CCDC158: variants seen among roughly 807,000 people sequenced by gnomAD.
CCDC158 encodes coiled-coil domain-containing protein 158.
In CCDC158, 116 loss-of-function variants were observed where a neutral mutation model predicts 138.6. The ratio of observed to expected loss-of-function variants is 0.84; its 90% CI spans 0.72 to 0.98. The LOEUF (loss-of-function observed/expected upper bound fraction) is 0.98. CCDC158 is among the 50% of genes least tolerant of loss of function. The pLI is 0.00. For synonymous variants in CCDC158, 436 were observed against 442.4 expected, an observed-to-expected ratio of 0.99 and a Z score of 0.18; for missense variants, 1,265 against 1,306.1, an observed-to-expected ratio of 0.97 and a Z score of 0.48.
At chr4:76,397,554 T>G (rs1343073215) in intron 3 of CCDC158, among the ~76,000 whole-genome samples, 1 of 152,186 alleles carries the variant, frequency 6.6e-6, no homozygotes, top group African/African-American at 2.4e-5. Context: ...CAGCCTTAGT[T>G]ACTTAGTAAG....
intron 18 of CCDC158, among the ~76,000 whole-genome samples, chr4:76,342,564 TAAA>T (rs1300406986): frequency 6.6e-6 from 1 of 152,118 alleles, no homozygotes; most frequent in African/African-American, 2.4e-5. Flanking sequence ...AAAATAAAGA[TAAA>T]TAATAAATGA....
At chr4:76,336,502 T>G (rs974330933) in intron 18 of CCDC158, among the ~76,000 whole-genome samples, 4 of 152,312 alleles carry the variant, frequency 2.6e-5, no homozygotes, top group Non-Finnish European at 1.5e-5. Context: ...TGAAGAATTC[T>G]CTCTACGGCA....
chr4:76,313,300 C>A, intron 24 of CCDC158, 54 bp from the exon 25 acceptor site: 2 of 985,080 alleles, frequency 2.0e-6, no homozygotes, highest in Non-Finnish European at 3.1e-6. Flanking sequence ...GGCTTTAATT[C>A]TACTATGTGC....
intron 18 of CCDC158, among the ~76,000 whole-genome samples, chr4:76,346,618 G>A (rs550457018): frequency 2.0e-5 from 3 of 152,280 alleles, no homozygotes; most frequent in East Asian, 1.9e-4. Context: ...GCTGAGGCAG[G>A]AGAATCACTT....
intron 14 of CCDC158, among the ~76,000 whole-genome samples, chr4:76,355,813 G>GTGTA (rs989803432): frequency 2.0e-5 from 3 of 151,224 alleles, no homozygotes; most frequent in African/African-American, 7.3e-5. Context: ...GTGTGTGTGT[G>GTGTA]TGTGTGTGTG....
Position 76,384,196 on chromosome 4 carries a change from T to C in CCDC158, c.618A>G (p.Glu206=). The C allele has an allele frequency of 5.0e-6, 8 of 1,614,166 alleles. No individual in the cohort carries two copies. Among genetic ancestry groups the C allele is most frequent in the Non-Finnish European group, 5.9e-6 (7 of 1,180,012 alleles). The change falls in exon 6 of 25, where the codon GAA becomes GAG. Residue 206 remains glutamate, a synonymous_variant. Coordinates refer to ENST00000682701, the MANE Select transcript of CCDC158 (RefSeq NM_001394954.1). The stretch of plus-strand genomic sequence containing the variant: ...AGTGCAGAGTAGACATGCTGTCATG[T>C]TCACATATTTTTTTGCCTGAGGCTT... ...FEEASGKKIC[E]HDSMSTLHFR...
intron 18 of CCDC158, among the ~76,000 whole-genome samples, chr4:76,341,923 G>C (rs1157719126): frequency 1.3e-5 from 2 of 152,142 alleles, no homozygotes; most frequent in Admixed American, 1.3e-4. Context: ...AGTTCATATA[G>C]GGTATCTATT....
At chr4:76,349,939 C>T (rs549075115) in intron 18 of CCDC158, among the ~76,000 whole-genome samples, 9 of 152,096 alleles carry the variant, frequency 5.9e-5, no homozygotes, top group Non-Finnish European at 1.2e-4. Flanking sequence ...AACTGACTCG[C>T]CCAAGGTCAC....
At chr4:76,407,950 C>T (rs1403166411) in intron 2 of CCDC158, among the ~76,000 whole-genome samples, 4 of 152,208 alleles carry the variant, frequency 2.6e-5, no homozygotes, top group Non-Finnish European at 4.4e-5. Context: ...TTATTCATAA[C>T]AGGCTGTTGG....
chr4:76,355,451 G>T lies in CCDC158; in HGVS notation c.2174-15C>A. ...CACTTTCATAGCTGGAAAAAAAAAA[G>T]AGGCAAACTATGCCTTAGGTTCTTA... On this transcript the variant is annotated splice_polypyrimidine_tract_variant and intron_variant, in intron 14 of 24. Transcript: ENST00000682701. 3 of 1,505,916 alleles carry T rather than the reference G, an allele frequency of 2.0e-6. No homozygotes were observed. Among genetic ancestry groups the T allele is most frequent in the Non-Finnish European group, 2.8e-6 (3 of 1,084,006 alleles). 93.3% of individuals were successfully genotyped at this position (1,505,916 alleles called of 1,614,324 possible).
At chr4:76,404,088 C>T (rs974096320) in intron 2 of CCDC158, among the ~76,000 whole-genome samples, 1 of 151,806 alleles carries the variant, frequency 6.6e-6, no homozygotes, top group Non-Finnish European at 1.5e-5. Context: ...GAATGAGATA[C>T]AGAGAGAAAA....
chr4:76,353,672 T>C (rs981501165), intron 15 of CCDC158, among the ~76,000 whole-genome samples: 1 of 152,226 alleles, frequency 6.6e-6, no homozygotes, highest in South Asian at 2.1e-4. Context: ...TATGGATTTC[T>C]ATTTTGTTTC....
chr4:76,382,176 T>G (rs1726322484), intron 8 of CCDC158, among the ~76,000 whole-genome samples: 2 of 151,714 alleles, frequency 1.3e-5, no homozygotes, highest in South Asian at 4.2e-4. Flanking sequence ...CACATCCCCA[T>G]TCTCTCTCTC....
upstream of CCDC158, among the ~76,000 whole-genome samples, chr4:76,421,202 C>T (rs1355697495): frequency 1.7e-3 from 263 of 152,078 alleles, 4 homozygotes; most frequent in Non-Finnish European, 2.6e-4. Context: ...CCGCGCGAGC[C>T]GCGTGGGTGA....
intron 8 of CCDC158, among the ~76,000 whole-genome samples, chr4:76,382,123 T>C (rs1726315517): frequency 2.0e-5 from 3 of 152,370 alleles, no homozygotes; most frequent in South Asian, 4.1e-4. Context: ...TTTCCCGTGA[T>C]AGCGAGTGAG....
intron 23 of CCDC158, 117 bp downstream of exon 23, chr4:76,325,740 A>G: frequency 1.3e-6 from 1 of 753,888 alleles, no homozygotes; most frequent in Non-Finnish European, 2.1e-6. Flanking sequence ...ACACAGAATC[A>G]GTTAGAGCTT....
At chr4:76,324,239 G>A (rs896115072) in intron 23 of CCDC158, among the ~76,000 whole-genome samples, 3 of 150,780 alleles carry the variant, frequency 2.0e-5, no homozygotes, top group Admixed American at 1.3e-4. Flanking sequence ...CCAGGCTGGA[G>A]TGCAATCATG....
rs561052977 is a variant in CCDC158 at position 76,351,466 on chromosome 4, C to CACTCACCTATTTTAA, written c.2538+239_2538+253dup. Among the ~76,000 whole-genome samples the CACTCACCTATTTTAA allele has an allele frequency of 1.7e-4, 26 of 152,276 alleles. No individual in the cohort carries two copies. The South Asian group carries it at 2.3e-3, about 13-fold the overall frequency. On this transcript the variant is annotated intron_variant, in intron 17 of 24. Transcript: ENST00000682701. ...TACTCGTAAACTTCACTAGTACCTTCACTCACCTATTTTAAACTCACCTAT... is the reference window on the plus strand; with the variant it reads ...TACTCGTAAACTTCACTAGTACCTTCACTCACCTATTTTAAACTCACCTATTTTAAACTCACCTAT...
In CCDC158 at chr4:76,390,109, G is replaced by A. The variant is rs184316094; in HGVS notation, c.289-5444C>T. On this transcript the variant is annotated intron_variant, in intron 4 of 24. Transcript: ENST00000682701. ...GTGTAAACTTCTCTTAAGTAGAAAG[G>A]CTAAATGATAAACCAATCAAAAGTA... Among the ~76,000 whole-genome samples, 130 of 152,146 alleles carry A rather than the reference G, an allele frequency of 8.5e-4. No individual in the cohort carries two copies. In the Middle Eastern group the frequency reaches 0.01, roughly 12 times the overall value.
Sources: allele counts gnomAD v4.1 joint callset (sites outside exome capture counted in the v4.1 genomes callset), GRCh38; gene constraint gnomAD v4.1.1; transcripts MANE v1.5; gene names NCBI Gene and HGNC (gene_info 2026-07-23, HGNC 2026-07-21).